Variants in TSHZ2 observed in about 807,000 individuals in gnomAD.
TSHZ2 encodes teashirt zinc finger homeobox 2.
A neutral mutation model predicts 74.4 loss-of-function variants in TSHZ2; 21 were observed. The observed-to-expected ratio is 0.28, with a 90% CI of 0.20 to 0.41. The LOEUF (loss-of-function observed/expected upper bound fraction) is 0.41, where lower values mean the gene tolerates loss of function less well. Among genes scored for constraint, TSHZ2 ranks in the 10% least tolerant of loss-of-function variants. TSHZ2 has a pLI of 1.00. For missense variants in TSHZ2, 1,244 were observed against 1,293.5 expected, an observed-to-expected ratio of 0.96 and a Z score of 0.59; for synonymous variants, 540 against 515.3, an observed-to-expected ratio of 1.05 and a Z score of -0.65.
intron 1 of TSHZ2, among the ~76,000 whole-genome samples, chr20:53,195,264 T>A (rs6126779): frequency 0.05 from 7,666 of 152,040 alleles, 537 homozygotes; most frequent in East Asian, 0.36. Context: ...AATGAAAAAA[T>A]AAATAAATAT....
At chr20:53,038,192 CAAAAAAAAAAAAAAAAAAAAAAAAAA>C (rs869242676) in intron 1 of TSHZ2, among the ~76,000 whole-genome samples, 5 of 53,918 alleles carry the variant, frequency 9.3e-5, no homozygotes, top group Non-Finnish European at 1.4e-4. Flanking sequence ...GATTCCGTCT[CAAAAAAAAAAAAAAAAAAAAAAAAAA>C]AAAAAAAAAA....
At chr20:53,182,249 T>C (rs6022323) in intron 1 of TSHZ2, among the ~76,000 whole-genome samples, 3 of 143,442 alleles carry the variant, frequency 2.1e-5, no homozygotes, top group African/African-American at 8.5e-5. Flanking sequence ...TCCTTCCTTC[T>C]ATCATTTTTT....
At chr20:53,333,519 G>A (rs1979813776) in intron 2 of TSHZ2, among the ~76,000 whole-genome samples, 3 of 151,270 alleles carry the variant, frequency 2.0e-5, no homozygotes, top group South Asian at 2.1e-4. Context: ...GCAGTGGCAC[G>A]ATCTCAGCTC....
chr20:53,099,236 C>T (rs991362031), intron 1 of TSHZ2, among the ~76,000 whole-genome samples: 1 of 152,168 alleles, frequency 6.6e-6, no homozygotes, highest in African/African-American at 2.4e-5. Flanking sequence ...TCCTCAAAGG[C>T]AAGTTCTTCA....
intron 1 of TSHZ2, among the ~76,000 whole-genome samples, chr20:52,975,525 GT>G (rs1212416626): frequency 5.0e-5 from 5 of 99,066 alleles, no homozygotes; most frequent in East Asian, 1.3e-3. Context: ...GTGTGGGGGT[GT>G]GTGTGTGTGT....
intron 1 of TSHZ2, among the ~76,000 whole-genome samples, chr20:53,024,047 C>T (rs6097193): frequency 0.053 from 7,975 of 151,850 alleles, 481 homozygotes; most frequent in African/African-American, 0.13. Flanking sequence ...TCATTTTTTT[C>T]CCCTATTGAA....
At chr20:53,383,209 G>A (rs1981921119) in intron 2 of TSHZ2, among the ~76,000 whole-genome samples, 1 of 151,616 alleles carries the variant, frequency 6.6e-6, no homozygotes. Context: ...GTTGCAGTGA[G>A]CCGAGATTGT....
At chr20:53,146,630 G>A (rs187685553) in intron 1 of TSHZ2, among the ~76,000 whole-genome samples, 1 of 152,180 alleles carries the variant, frequency 6.6e-6, no homozygotes, top group Admixed American at 6.5e-5. Context: ...AAATAAATGT[G>A]TAATTGCCCT....
At chr20:53,277,528 T>C (rs1265244943) in intron 2 of TSHZ2, among the ~76,000 whole-genome samples, 1 of 152,078 alleles carries the variant, frequency 6.6e-6, no homozygotes, top group East Asian at 1.9e-4. Context: ...AGAGCAATCC[T>C]TGGTTCAGAG....
intron 2 of TSHZ2, among the ~76,000 whole-genome samples, chr20:53,442,543 C>T (rs1334152): frequency 0.76 from 115,843 of 152,010 alleles, 45,219 homozygotes; most frequent in African/African-American, 0.92. Context: ...TGCCAGTAAT[C>T]GGGAAGGTGT....
chr20:53,124,549 T>A (rs1314528504), intron 1 of TSHZ2, among the ~76,000 whole-genome samples: 1 of 152,240 alleles, frequency 6.6e-6, no homozygotes, highest in Non-Finnish European at 1.5e-5. Flanking sequence ...GACCAGGAAT[T>A]GCCAACTTGG....
intron 1 of TSHZ2, among the ~76,000 whole-genome samples, chr20:53,231,171 T>C (rs2123670707): frequency 6.6e-6 from 1 of 152,286 alleles, no homozygotes; most frequent in Non-Finnish European, 1.5e-5. Flanking sequence ...ATGTCTGCAG[T>C]CTATTTATGT....
intron 2 of TSHZ2, among the ~76,000 whole-genome samples, chr20:53,372,436 C>T (rs932794834): frequency 6.6e-6 from 1 of 151,952 alleles, no homozygotes; most frequent in Non-Finnish European, 1.5e-5. Flanking sequence ...GAGATCACAC[C>T]ACTACACTCC....
intron 2 of TSHZ2, among the ~76,000 whole-genome samples, chr20:53,406,668 A>G (rs942908759): frequency 2.0e-5 from 3 of 152,186 alleles, no homozygotes; most frequent in African/African-American, 7.2e-5. Context: ...TTAAGCTTTG[A>G]GAATGTAGAA....
chr20:53,478,339 T>A, intron 2 of TSHZ2, among the ~76,000 whole-genome samples: 1 of 151,602 alleles, frequency 6.6e-6, no homozygotes, highest in Non-Finnish European at 1.5e-5. Flanking sequence ...GCCATGAAAA[T>A]GGATGAGTTC....
chr20:53,219,853 G>A (rs1989514969), intron 1 of TSHZ2, among the ~76,000 whole-genome samples: 1 of 152,082 alleles, frequency 6.6e-6, no homozygotes, highest in African/African-American at 2.4e-5. Context: ...AATATTCTGA[G>A]TCAAACTAAA....
intron 2 of TSHZ2, among the ~76,000 whole-genome samples, chr20:53,441,690 T>C (rs901402327): frequency 7.9e-6 from 1 of 126,530 alleles, no homozygotes; most frequent in African/African-American, 3.7e-5. Flanking sequence ...TCAAGCAATT[T>C]TTGTGCCTCA....
intron 2 of TSHZ2, among the ~76,000 whole-genome samples, chr20:53,330,686 G>T (rs1979688842): frequency 6.6e-6 from 1 of 152,076 alleles, no homozygotes; most frequent in African/African-American, 2.4e-5. Flanking sequence ...ACTAAAAAAA[G>T]AAAAAGAAAG....
chr20:53,456,261 T>A (rs1370291170), intron 2 of TSHZ2, among the ~76,000 whole-genome samples: 2 of 150,980 alleles, frequency 1.3e-5, no homozygotes, highest in East Asian at 3.9e-4. Context: ...TTCTAACTGG[T>A]GTGAAATGGT....
Sources: allele counts gnomAD v4.1 joint callset (sites outside exome capture counted in the v4.1 genomes callset), GRCh38; gene constraint gnomAD v4.1.1; transcripts MANE v1.5; gene names NCBI Gene and HGNC (gene_info 2026-07-23, HGNC 2026-07-21).